The following ENTPD7 variants were observed in gnomAD, a reference collection of about 807,000 sequenced individuals.
ENTPD7 encodes the protein NTPDase 7.
ENTPD7 carries 53 observed loss-of-function variants against 77.9 expected under a neutral mutation model. The observed-to-expected ratio is 0.68, with a 90% CI of 0.55 to 0.85. The LOEUF (loss-of-function observed/expected upper bound fraction) is 0.85. Ranked by LOEUF, ENTPD7 falls within the 40% of genes least tolerant of loss-of-function variation. ENTPD7 has a pLI of 0.00. For synonymous variants in ENTPD7, 248 were observed against 274.9 expected (o/e 0.90, Z 0.97); for missense variants, 636 against 743.7 (o/e 0.86, Z 1.68).
intron 5 of ENTPD7, among the ~76,000 whole-genome samples, chr10:99,682,846 C>T (rs2035769908): frequency 6.6e-6 from 1 of 152,190 alleles, no homozygotes; most frequent in Admixed American, 6.5e-5. Context: ...AGAGAAAAAG[C>T]TGACCTGGAG....
At chr10:99,701,425 C>G (rs1267558110) in intron 11 of ENTPD7, among the ~76,000 whole-genome samples, 2 of 151,648 alleles carry the variant, frequency 1.3e-5, no homozygotes, top group Non-Finnish European at 2.9e-5. Context: ...GTAGCTGGGA[C>G]TATAGGCACG....
intron 3 of ENTPD7, among the ~76,000 whole-genome samples, chr10:99,678,632 C>T (rs12248456): frequency 6.0e-5 from 9 of 151,032 alleles, no homozygotes; most frequent in Middle Eastern, 3.5e-3. Flanking sequence ...ACCACCCAGG[C>T]GAGGTGCAGT....
chr10:99,685,927 C>A (rs777437077), intron 6 of ENTPD7, 32 bp downstream of exon 6: 2 of 1,458,204 alleles, frequency 1.4e-6, no homozygotes, highest in Middle Eastern at 1.7e-4. Context: ...AGCTGGTTAA[C>A]CTCTAAGCCA....
chr10:99,692,793 A>C (rs956334495), intron 8 of ENTPD7, among the ~76,000 whole-genome samples: 1 of 152,156 alleles, frequency 6.6e-6, no homozygotes, highest in African/African-American at 2.4e-5. Flanking sequence ...AAAGTTTTTG[A>C]GTAAGGCAGT....
intron 3 of ENTPD7, among the ~76,000 whole-genome samples, chr10:99,662,370 T>C (rs2035498083): frequency 6.6e-6 from 1 of 152,190 alleles, no homozygotes; most frequent in South Asian, 2.1e-4. Flanking sequence ...GTTTATAGTG[T>C]CATCTTTAAT....
chr10:99,682,474 T>G (rs1040579889), intron 5 of ENTPD7, among the ~76,000 whole-genome samples: 2 of 152,220 alleles, frequency 1.3e-5, no homozygotes, highest in African/African-American at 2.4e-5. Flanking sequence ...TACATTTCAG[T>G]CTTTAAAAAA....
chr10:99,669,762 TTTTTTG>T (rs2035596858), intron 3 of ENTPD7, among the ~76,000 whole-genome samples: 1 of 139,188 alleles, frequency 7.2e-6, no homozygotes, highest in African/African-American at 2.7e-5. Flanking sequence ...TTTTTTTTTT[TTTTTTG>T]AGACAGAGTC....
At chr10:99,693,086 G>A (rs2035910722) in intron 8 of ENTPD7, among the ~76,000 whole-genome samples, 1 of 152,182 alleles carries the variant, frequency 6.6e-6, no homozygotes, top group South Asian at 2.1e-4. Context: ...GTGGTAGTGT[G>A]AGTAGGGTGG....
chr10:99,673,107 G>T (rs2133450337), intron 3 of ENTPD7, among the ~76,000 whole-genome samples: 1 of 152,312 alleles, frequency 6.6e-6, no homozygotes, highest in East Asian at 1.9e-4. Flanking sequence ...GGAGGTGTGT[G>T]TGTGGGTATG....
rs187671144 is a variant in ENTPD7, at chr10:99,709,182, T to G, written c.*4499T>G. The stretch of plus-strand genomic sequence containing the variant: ...GATGAAGGTATAAATGCCTATTACA[T>G]CTACCTCATTAAAGAACTTCGTTGT... On this transcript the variant is annotated 3_prime_UTR_variant, in exon 13 of 13. Coordinates refer to ENST00000370489, the MANE Select transcript of ENTPD7 (RefSeq NM_020354.5). 36 of 985,428 alleles carry G rather than the reference T, an allele frequency of 3.7e-5. No homozygotes were observed. The highest frequency in any genetic ancestry group is 4.1e-5 in the Non-Finnish European group (34 of 829,904). The allele number at this position is 985,428 out of a possible 1,614,324, so 61.0% of individuals were successfully genotyped here.
Position 99,709,206 on chromosome 10 carries a change from G to T in ENTPD7, c.*4523G>T. 1.0e-6 allele frequency: 1 copy of T among 985,412 alleles called. No individual in the cohort carries two copies. The highest frequency in any genetic ancestry group is 1.2e-6 in the Non-Finnish European group (1 of 829,910). 61.0% of individuals were successfully genotyped at this position (985,412 alleles called of 1,614,324 possible). A position where few individuals can be genotyped will look rare whatever the true frequency, so the allele number is the denominator to read the frequency against. Reference sequence around the variant, plus strand: ...ATCTACCTCATTAAAGAACTTCGTTGTAATTCTTGGGCAGTTTCCAGACTC... The same window carrying T: ...ATCTACCTCATTAAAGAACTTCGTTTTAATTCTTGGGCAGTTTCCAGACTC... On this transcript the variant is annotated 3_prime_UTR_variant, in exon 13 of 13. Coordinates refer to ENST00000370489, the MANE Select transcript of ENTPD7 (RefSeq NM_020354.5).
In ENTPD7 at chr10:99,688,735, T is replaced by C. The variant is rs751125972; in HGVS notation, c.694T>C (p.Phe232Leu). The change falls in exon 7 of 13, where the codon TTC (phenylalanine) becomes CTC (leucine). Residue 232 changes from phenylalanine (F) to leucine (L), a missense_variant. Around this residue, in one of 3 missense-constraint regions of ENTPD7, gnomAD observed 486 missense variants for 556.5 expected, o/e 0.87. Coordinates refer to ENST00000370489, the MANE Select transcript of ENTPD7 (RefSeq NM_020354.5). ...WIGINFVLGRFDHEDESDAEA... is the reference protein window; with the variant it reads ...WIGINFVLGRLDHEDESDAEA... ...TGGAATCAACTTTGTTTTGGGAAGA[T>C]TCGACCACGAGGATGGTGAGTAATA... The C allele has an allele frequency of 4.3e-6, 7 of 1,613,844 alleles. No homozygotes were observed. Among genetic ancestry groups the C allele is most frequent in the Non-Finnish European group, 5.9e-6 (7 of 1,179,912 alleles).
chr10:99,686,900 T>C (rs914456215), intron 6 of ENTPD7, among the ~76,000 whole-genome samples: 1 of 149,918 alleles, frequency 6.7e-6, no homozygotes, highest in African/African-American at 2.5e-5. Context: ...TGAGCTGCTT[T>C]CTGTAGGCTG....
intron 8 of ENTPD7, among the ~76,000 whole-genome samples, chr10:99,692,632 A>G (rs540029171): frequency 6.6e-6 from 1 of 152,104 alleles, no homozygotes; most frequent in East Asian, 1.9e-4. Flanking sequence ...CAGAATGTCC[A>G]GGGAATGACG....
intron 3 of ENTPD7, among the ~76,000 whole-genome samples, chr10:99,666,050 A>G (rs2133440714): frequency 1.3e-5 from 2 of 152,306 alleles, no homozygotes; most frequent in Non-Finnish European, 2.9e-5. Flanking sequence ...GTTAGTTAAT[A>G]TGGCTAAAGA....
chr10:99,666,859 G>A lies in ENTPD7; in HGVS notation c.191+5231G>A, dbSNP rs577738652. On this transcript the variant is annotated intron_variant, in intron 3 of 12. Transcript: ENST00000370489. ...ACAGAATGGTTGTGTGGATACTCAC[G>A]GTATACTTTCTACTGAATGTGCATC... 1.7e-4 allele frequency among the ~76,000 whole-genome samples: 26 copies of A among 152,248 alleles called. No homozygotes were observed. In the South Asian group the frequency reaches 3.9e-3, roughly 23 times the overall value.
chr10:99,659,854 C>T lies in ENTPD7; in HGVS notation c.-95-8C>T. ...GTCGGACAGAAGCCTGAAATCAAAT[C>T]TTTCTAGGCTGCAGACGTAGGAGAT... On this transcript the variant is annotated splice_polypyrimidine_tract_variant and splice_region_variant and intron_variant, in intron 1 of 12. Transcript: ENST00000370489. This position sits in a 1 kb window ranked among gnomAD's most constrained non-coding sequence, Gnocchi z 4.1. 1 of 1,536,256 alleles carries T rather than the reference C, an allele frequency of 6.5e-7. No homozygotes were observed. The highest frequency in any genetic ancestry group is 8.9e-7 in the Non-Finnish European group (1 of 1,119,168).
chr10:99,685,030 G>A (rs1590046213), intron 5 of ENTPD7, among the ~76,000 whole-genome samples: 1 of 152,190 alleles, frequency 6.6e-6, no homozygotes, highest in Admixed American at 6.5e-5. Context: ...GGCCGAGGCA[G>A]GTGAATCACC....
At chr10:99,700,393 CGTGTGTGTGTGTGTGTGTGTATGTGT>C (rs1195328215) in intron 10 of ENTPD7, among the ~76,000 whole-genome samples, 11 of 103,596 alleles carry the variant, frequency 1.1e-4, no homozygotes, top group Non-Finnish European at 2.1e-4. Flanking sequence ...TCCAACGTAC[CGTGTGTGTGTGTGTGTGTGTATGTGT>C]GTGTGTGTGT....
Sources: allele counts gnomAD v4.1 joint callset (sites outside exome capture counted in the v4.1 genomes callset), GRCh38; gene constraint gnomAD v4.1.1; regional missense constraint gnomAD v4.1.1; non-coding constraint Gnocchi (gnomAD v3.1); transcripts MANE v1.5; gene names NCBI Gene and HGNC (gene_info 2026-07-23, HGNC 2026-07-21).